Variants in ADAMTS13 observed in about 807,000 individuals in gnomAD.
ADAMTS13 encodes A disintegrin and metalloproteinase with thrombospondin motifs 13.
In ADAMTS13, 110 loss-of-function variants were observed where a neutral mutation model predicts 155.1. The observed-to-expected ratio is 0.71, with a 90% CI of 0.61 to 0.83. The LOEUF (loss-of-function observed/expected upper bound fraction) is 0.83. ADAMTS13 is among the 40% of genes least tolerant of loss of function. ADAMTS13 has a pLI of 0.00. For missense variants in ADAMTS13, 1,707 were observed against 1,891.7 expected (o/e 0.90, Z 1.81); for synonymous variants, 758 against 756.4 (o/e 1.00, Z -0.03).
At chr9:133,454,705 A>C (rs1842637820) in intron 24 of ADAMTS13, 86 bp downstream of exon 24, 1 of 1,463,142 alleles carries the variant, frequency 6.8e-7, no homozygotes. Context: ...TCTAGGAGGC[A>C]TTGGCTCATC....
intron 22 of ADAMTS13, 119 bp downstream of exon 22, chr9:133,448,847 T>A: frequency 6.8e-7 from 1 of 1,467,846 alleles, no homozygotes; most frequent in Non-Finnish European, 9.2e-7. Flanking sequence ...GTGCACTGTG[T>A]GAGGCTGGAC....
At chr9:133,444,776 C>T (rs1841939284) in intron 19 of ADAMTS13, 87 bp from the exon 20 acceptor site, 2 of 1,388,960 alleles carry the variant, frequency 1.4e-6, no homozygotes, top group Admixed American at 2.0e-5. Context: ...GGAGCAGGTC[C>T]CCTTCCTCCC....
At chr9:133,431,391 A>G (rs3118670) in intron 8 of ADAMTS13, among the ~76,000 whole-genome samples, 10,920 of 150,734 alleles carry the variant, frequency 0.072, 1,313 homozygotes, top group African/African-American at 0.25. Context: ...CAGTGGCACA[A>G]TCTTGGCTTA....
In ADAMTS13 at chr9:133,424,440, G is replaced by C; in HGVS notation, c.292G>C (p.Glu98Gln). The change falls in exon 3 of 29, where the codon GAG (glutamate) becomes CAG (glutamine). Residue 98 changes from glutamate (E) to glutamine (Q), a missense_variant. Glu to Gln is a conservative substitution (Grantham distance 29). This residue lies in a region of ADAMTS13 where 733 missense variants were observed against 749.6 expected (regional missense o/e 0.98). Coordinates refer to ENST00000355699, the MANE Select transcript of ADAMTS13 (RefSeq NM_139027.6). The surrounding 1 kb of genome is among the most constrained non-coding windows in gnomAD (Gnocchi z 4.3). ...CCCCGATGTCTTCCAGGCTCACCAGGAGGACACAGAGCGCTATGTGCTCAC... is the reference window on the plus strand; with the variant it reads ...CCCCGATGTCTTCCAGGCTCACCAGCAGGACACAGAGCGCTATGTGCTCAC... ...VGPDVFQAHQ[E>Q]DTERYVLTNL... 2 of 1,613,918 alleles carry C rather than the reference G, an allele frequency of 1.2e-6. No homozygotes were observed. Among genetic ancestry groups the C allele is most frequent in the Non-Finnish European group, 8.5e-7 (1 of 1,179,984 alleles).
rs781950676 is a variant in ADAMTS13 at position 133,425,991 on chromosome 9, G to T, written c.468G>T (p.Gly156=). 1.2e-6 allele frequency: 2 copies of T among 1,614,020 alleles called. No individual in the cohort carries two copies. Among genetic ancestry groups the T allele is most frequent in the Non-Finnish European group, 1.7e-6 (2 of 1,180,032 alleles). The change falls in exon 5 of 29, where the codon GGG becomes GGT. Residue 156 remains glycine (G), a synonymous_variant. Coordinates refer to ENST00000355699, the MANE Select transcript of ADAMTS13 (RefSeq NM_139027.6). The surrounding 1 kb of genome is among the most constrained non-coding windows in gnomAD (Gnocchi z 4.6). ...CCTCGTCCCTGCTGAGCGTCTGTGG[G>T]TGGAGCCAGACCATCAACCCTGAGG... ...NLTSSLLSVC[G]WSQTINPEDD...
In ADAMTS13 at chr9:133,425,642, A is replaced by G. The variant is rs782241664; in HGVS notation, c.414+30A>G. Reference sequence around the variant, plus strand: ...GCATGGAGCTGGAACTCAGCACACCATACAGAGCGGGAAGCCCAAGTCATC... The same window carrying G: ...GCATGGAGCTGGAACTCAGCACACCGTACAGAGCGGGAAGCCCAAGTCATC... On this transcript the variant is annotated intron_variant, in intron 4 of 28. Transcript: ENST00000355699. The surrounding 1 kb of genome is among the most constrained non-coding windows in gnomAD (Gnocchi z 4.6). 7.5e-6 allele frequency: 12 copies of G among 1,607,970 alleles called. No individual in the cohort carries two copies. In the East Asian group the frequency reaches 2.2e-4, roughly 30 times the overall value.
chr9:133,457,303 C>G (rs1771919386), intron 27 of ADAMTS13, among the ~76,000 whole-genome samples: 1 of 152,228 alleles, frequency 6.6e-6, no homozygotes, highest in African/African-American at 2.4e-5. Context: ...TCGGCTCCCC[C>G]AGGTGTCTGG....
Position 133,436,681 on chromosome 9 carries a change from T to C in ADAMTS13, c.1309-148T>C, listed in dbSNP as rs1024206623. ...GAGGCAGGCACTTTTGTCACCCCAGTTTACAGAGCAGGGAACCGAGGCACG... is the reference window on the plus strand; with the variant it reads ...GAGGCAGGCACTTTTGTCACCCCAGCTTACAGAGCAGGGAACCGAGGCACG... On this transcript the variant is annotated intron_variant, in intron 11 of 28. Coordinates refer to ENST00000355699, the MANE Select transcript of ADAMTS13 (RefSeq NM_139027.6). 3 of 807,120 alleles carry C rather than the reference T, an allele frequency of 3.7e-6. No individual in the cohort carries two copies. The Admixed American group carries it at 6.6e-5, about 18-fold the overall frequency. The allele number at this position is 807,120 out of a possible 1,614,324, so 50.0% of individuals were successfully genotyped here.
chr9:133,428,568 T>TGGCC, intron 6 of ADAMTS13, 66 bp from the exon 7 acceptor site: 5 of 124,984 alleles, frequency 4.0e-5, no homozygotes, highest in Admixed American at 9.2e-5. Context: ...CCGACCCCCG[T>TGGCC]CCCGCCCCCA....
Position 133,458,039 on chromosome 9 carries a change from C to T in ADAMTS13, c.3854C>T (p.Ala1285Val). ...VAPHARIAIH[A>V]LATNMGAGTE... ...CCGCACGCACGGATTGCCATCCATG[C>T]CCTGGCCACCAACATGGGCGCTGGG... The change falls in exon 28 of 29, where the codon GCC (alanine) becomes GTC (valine). Residue 1285 changes from alanine to valine, a missense_variant. Transcript: ENST00000355699. 6.2e-7 allele frequency: 1 copy of T among 1,613,492 alleles called. No individual in the cohort carries two copies. Among genetic ancestry groups the T allele is most frequent in the Non-Finnish European group, 8.5e-7 (1 of 1,180,032 alleles).
Position 133,442,756 on chromosome 9 carries a change from C to T in ADAMTS13, c.2234+13C>T. 6.2e-7 allele frequency: 1 copy of T among 1,611,200 alleles called. No individual in the cohort carries two copies. Among genetic ancestry groups the T allele is most frequent in the Non-Finnish European group, 8.5e-7 (1 of 1,179,624 alleles). On this transcript the variant is annotated intron_variant, in intron 18 of 28. Transcript: ENST00000355699. ...CCTGCCCTCCCTAGTGAGTGTGGTG[C>T]TGTCTGCGCAGCTCCAAGGGGGAGA...
intron 7 of ADAMTS13, 24 bp downstream of exon 7, chr9:133,428,795 G>T: frequency 7.8e-7 from 1 of 1,283,342 alleles, no homozygotes; most frequent in Non-Finnish European, 9.8e-7. Context: ...CGTGGGAGGG[G>T]CGCGCGAGCC....
rs587659405 is a variant in ADAMTS13 at position 133,453,611 on chromosome 9, G to A, written c.3045-804G>A. 6.6e-5 allele frequency among the ~76,000 whole-genome samples: 10 copies of A among 152,326 alleles called. No homozygotes were observed. In the East Asian group the frequency reaches 1.2e-3, roughly 18 times the overall value. On this transcript the variant is annotated intron_variant, in intron 23 of 28. Coordinates refer to ENST00000355699, the MANE Select transcript of ADAMTS13 (RefSeq NM_139027.6). ...CTGGAGGTTGAGGCTGCAGTGAGCC[G>A]TGATCACACCACTGCCCTCCAGCCT... is the stretch of plus-strand genomic sequence containing the variant.
intron 1 of ADAMTS13, among the ~76,000 whole-genome samples, chr9:133,416,463 T>C (rs1839606515): frequency 6.6e-6 from 1 of 152,166 alleles, no homozygotes; most frequent in Admixed American, 6.5e-5. Flanking sequence ...TCCTCCTGCC[T>C]GGGCCTCCCA....
chr9:133,450,045 C>A, intron 23 of ADAMTS13, 80 bp downstream of exon 23: 1 of 1,491,492 alleles, frequency 6.7e-7, no homozygotes, highest in Middle Eastern at 2.4e-4. Context: ...TGCCTGTAAT[C>A]GCAGCTACTT....
intron 11 of ADAMTS13, among the ~76,000 whole-genome samples, 178 bp downstream of exon 11, chr9:133,433,882 G>A (rs1338205368): frequency 1.3e-5 from 2 of 152,126 alleles, no homozygotes; most frequent in African/African-American, 4.8e-5. Context: ...GATCACCTGA[G>A]GTCAGGGGTT....
chr9:133,419,794 A>T (rs782223237), upstream of ADAMTS13, among the ~76,000 whole-genome samples: 3 of 152,080 alleles, frequency 2.0e-5, no homozygotes, highest in Non-Finnish European at 4.4e-5. Context: ...GCTGGAGTGC[A>T]GTGGCGTGAT....
intron 1 of ADAMTS13, among the ~76,000 whole-genome samples, chr9:133,415,407 A>G (rs587765192): frequency 1.0e-3 from 153 of 149,038 alleles, no homozygotes; most frequent in African/African-American, 3.4e-3. Context: ...CTACACAGAA[A>G]TCGCTTTTTT....
At chr9:133,453,882 C>G (rs1842589286) in intron 23 of ADAMTS13, among the ~76,000 whole-genome samples, 1 of 152,054 alleles carries the variant, frequency 6.6e-6, no homozygotes, top group African/African-American at 2.4e-5. Flanking sequence ...GGCAGCGCTG[C>G]AGGGTCATGG....
Sources: gnomAD v4.1 joint callset for allele counts (sites outside exome capture counted in the v4.1 genomes callset) on GRCh38, gnomAD v4.1.1 for gene constraint, gnomAD v4.1.1 regional missense constraint, Gnocchi (gnomAD v3.1) non-coding constraint, MANE v1.5 for transcripts, NCBI Gene and HGNC (gene_info 2026-07-23, HGNC 2026-07-21) for gene names.